The following IQSEC1 variants were observed in gnomAD, a reference collection of about 807,000 sequenced individuals.
IQSEC1 encodes IQ motif and Sec7 domain ArfGEF 1.
Under a neutral mutation model 91.0 loss-of-function variants are expected in IQSEC1, and 31 were observed. The observed-to-expected ratio is 0.34, with a 90% confidence interval of 0.26 to 0.46. IQSEC1 has a LOEUF of 0.46. Among genes scored for constraint, IQSEC1 ranks in the 20% least tolerant of loss-of-function variants. The probability of loss-of-function intolerance (pLI) is 1.00; values close to 1 mark genes in which losing one functional copy is unlikely to be tolerated. For synonymous variants in IQSEC1, 699 were observed against 662.6 expected, an observed-to-expected ratio of 1.05 and a Z score of -0.84; for missense variants, 1,388 against 1,575.6, an observed-to-expected ratio of 0.88 and a Z score of 2.02.
intron 2 of IQSEC1, among the ~76,000 whole-genome samples, chr3:13,154,460 T>TATATATACACACAC (rs1707052810): frequency 0.011 from 630 of 59,420 alleles, 148 homozygotes; most frequent in African/African-American, 0.043. Context: ...TATATATATA[T>TATATATACACACAC]ATATATATAT....
chr3:12,932,945 C>T (rs1410931111), intron 3 of IQSEC1, among the ~76,000 whole-genome samples: 1 of 152,246 alleles, frequency 6.6e-6, no homozygotes, highest in Admixed American at 6.5e-5. Context: ...ACCACTTTCT[C>T]AGGCTTCGTT....
At chr3:12,965,974 CT>C (rs1270978280) in intron 1 of IQSEC1, among the ~76,000 whole-genome samples, 1 of 152,204 alleles carries the variant, frequency 6.6e-6, no homozygotes, top group Non-Finnish European at 1.5e-5. Flanking sequence ...AACCACAGAG[CT>C]TTAGTACTGA....
At chr3:13,128,852 G>A (rs7615643) in intron 2 of IQSEC1, among the ~76,000 whole-genome samples, 1,484 of 146,450 alleles carry the variant, frequency 0.01, 27 homozygotes, top group African/African-American at 0.034. Flanking sequence ...ACTCCAGCCC[G>A]GGTGACAGAG....
At chr3:13,094,858 A>G (rs568788330) in intron 2 of IQSEC1, among the ~76,000 whole-genome samples, 62 of 152,216 alleles carry the variant, frequency 4.1e-4, no homozygotes, top group African/African-American at 1.4e-3. Flanking sequence ...GTTGAGTTCA[A>G]TTGTTACCTC....
chr3:13,278,777 T>C (rs1014678197), intron 1 of IQSEC1, among the ~76,000 whole-genome samples: 2 of 148,242 alleles, frequency 1.3e-5, no homozygotes, highest in Non-Finnish European at 3.0e-5. Flanking sequence ...CGAGATCACA[T>C]CATTGCACTC....
intron 2 of IQSEC1, among the ~76,000 whole-genome samples, chr3:13,122,311 G>A (rs1447663633): frequency 6.6e-6 from 1 of 152,284 alleles, no homozygotes; most frequent in Non-Finnish European, 1.5e-5. Flanking sequence ...AGTCCAGGAA[G>A]AGTTGAGAAG....
chr3:13,265,111 C>T lies in IQSEC1; in HGVS notation c.272+17600G>A, dbSNP rs145294326. 1.9e-3 allele frequency among the ~76,000 whole-genome samples: 291 copies of T among 152,294 alleles called. 4 individuals carry two copies. Among genetic ancestry groups the T allele is most frequent in the African/African-American group, 6.2e-3 (259 of 41,548 alleles). On this transcript the variant is annotated intron_variant, in intron 1 of 15. Coordinates refer to the IQSEC1 transcript ENST00000648114. ...CCCTGATCCAGAAGGTCTGGTCATG[C>T]GTCCCCTCAACCTGTCCAAGTGAAT... is the stretch of plus-strand genomic sequence containing the variant.
intron 1 of IQSEC1, among the ~76,000 whole-genome samples, chr3:13,190,547 C>A (rs1212940922): frequency 1.5e-5 from 1 of 66,554 alleles, no homozygotes; most frequent in Non-Finnish European, 3.4e-5. Flanking sequence ...CAGAGCAAGA[C>A]CCTGTCTCAA....
chr3:13,100,304 T>C (rs1706035275), intron 2 of IQSEC1, among the ~76,000 whole-genome samples: 1 of 148,590 alleles, frequency 6.7e-6, no homozygotes, highest in South Asian at 2.1e-4. Context: ...ACACTCTTCC[T>C]ACATCTAGGC....
intron 1 of IQSEC1, among the ~76,000 whole-genome samples, chr3:13,272,624 G>A (rs1695608440): frequency 6.6e-6 from 1 of 152,210 alleles, no homozygotes; most frequent in African/African-American, 2.4e-5. Flanking sequence ...CCCCTTTTAG[G>A]TGGCGGATTT....
At chr3:13,073,785 T>C (rs921151986), upstream of IQSEC1, among the ~76,000 whole-genome samples, 2 of 152,254 alleles carry the variant, frequency 1.3e-5, no homozygotes, top group Non-Finnish European at 2.9e-5. Flanking sequence ...ACTCCAAGGC[T>C]GTCTCTGCCA....
At position 13,132,193 on chromosome 3, in the gene IQSEC1, T is replaced by C. The variant is rs539888779; in HGVS notation, c.302+31911A>G. Among the ~76,000 whole-genome samples, 4 of 152,328 alleles carry C rather than the reference T, an allele frequency of 2.6e-5. No homozygotes were observed. The East Asian group carries it at 7.7e-4, about 29-fold the overall frequency. ...AACTATCTGATCCTTAGCGGCTTGTTTTTAAGCTTGTTAGGTGGGTCCCAA... is the reference window on the plus strand; with the variant it reads ...AACTATCTGATCCTTAGCGGCTTGTCTTTAAGCTTGTTAGGTGGGTCCCAA... On this transcript the variant is annotated intron_variant, in intron 2 of 15. Coordinates refer to the IQSEC1 transcript ENST00000648114.
intron 1 of IQSEC1, among the ~76,000 whole-genome samples, chr3:13,062,668 T>C (rs1295426924): frequency 1.3e-5 from 2 of 151,822 alleles, no homozygotes; most frequent in Non-Finnish European, 2.9e-5. Context: ...AGGAAGGGGG[T>C]TGGAGAGACT....
intron 1 of IQSEC1, among the ~76,000 whole-genome samples, chr3:12,951,936 G>A (rs1699576976): frequency 6.6e-6 from 1 of 152,196 alleles, no homozygotes; most frequent in South Asian, 2.1e-4. Flanking sequence ...CTGGGACGGA[G>A]GGGCTGGTGG....
At chr3:13,126,919 T>C (rs1369081520) in intron 2 of IQSEC1, among the ~76,000 whole-genome samples, 1 of 152,254 alleles carries the variant, frequency 6.6e-6, no homozygotes, top group Non-Finnish European at 1.5e-5. Context: ...AAAGATTTTC[T>C]ATTTTTTTCC....
chr3:13,090,068 A>G (rs1705811850), intron 2 of IQSEC1, among the ~76,000 whole-genome samples: 1 of 151,954 alleles, frequency 6.6e-6, no homozygotes, highest in Non-Finnish European at 1.5e-5. Flanking sequence ...TACAAAAAAT[A>G]TTAGCGGGGT....
chr3:13,179,726 G>T (rs1693801340), intron 1 of IQSEC1, among the ~76,000 whole-genome samples: 1 of 152,260 alleles, frequency 6.6e-6, no homozygotes, highest in Non-Finnish European at 1.5e-5. Flanking sequence ...GCCGGAGCCG[G>T]CTCCCTCAGC....
chr3:12,967,815 G>T lies in IQSEC1; in HGVS notation c.24-25950C>A, dbSNP rs898414516. ...GCTGGGGGCGGGGCTGCGCGCGGGG[G>T]CGAGACTGCACGGAGCGTGTGGGGA... On this transcript the variant is annotated intron_variant, in intron 1 of 13. Coordinates refer to ENST00000613206, the MANE Select transcript of IQSEC1 (RefSeq NM_001134382.3). The surrounding 1 kb of genome is among the most constrained non-coding windows in gnomAD (Gnocchi z 5.9). The T allele has an allele frequency of 4.5e-6, 2 of 441,768 alleles. No homozygotes were observed. Among genetic ancestry groups the T allele is most frequent in the African/African-American group, 2.2e-5 (1 of 44,590 alleles). 27.4% of individuals were successfully genotyped at this position (441,768 alleles called of 1,614,324 possible). A position where few individuals can be genotyped will look rare whatever the true frequency, so the allele number is the denominator to read the frequency against.
At chr3:13,249,206 C>T (rs1407039889) in intron 1 of IQSEC1, among the ~76,000 whole-genome samples, 1 of 126,784 alleles carries the variant, frequency 7.9e-6, no homozygotes, top group Non-Finnish European at 1.6e-5. Flanking sequence ...GAGTCTTGCT[C>T]TGTCACCCAG....
Sources: allele counts gnomAD v4.1 joint callset (sites outside exome capture counted in the v4.1 genomes callset), GRCh38; gene constraint gnomAD v4.1.1; non-coding constraint Gnocchi (gnomAD v3.1); transcripts MANE v1.5; gene names NCBI Gene and HGNC (gene_info 2026-07-23, HGNC 2026-07-21).